Variants in GABRA5 observed in about 807,000 individuals in gnomAD.
GABRA5 encodes gamma-aminobutyric acid type A receptor subunit alpha5.
A neutral mutation model predicts 47.3 loss-of-function variants in GABRA5; 18 were observed. The ratio of observed to expected loss-of-function variants is 0.38; its 90% confidence interval spans 0.26 to 0.56. The LOEUF (loss-of-function observed/expected upper bound fraction) is 0.56. Among genes scored for constraint, GABRA5 ranks in the 20% least tolerant of loss-of-function variants. The probability of loss-of-function intolerance (pLI) is 0.71; values close to 1 mark genes in which losing one functional copy is unlikely to be tolerated. For missense variants in GABRA5, 365 were observed against 599.3 expected, an observed-to-expected ratio of 0.61 and a Z score of 4.08; for synonymous variants, 237 against 229.3, an observed-to-expected ratio of 1.03 and a Z score of -0.30.
intron 7 of GABRA5, among the ~76,000 whole-genome samples, chr15:26,936,211 T>C (rs1289966390): frequency 6.6e-6 from 1 of 152,358 alleles, no homozygotes; most frequent in East Asian, 1.9e-4. Flanking sequence ...GAGTCAATTA[T>C]ACCTCTTTTC....
intron 3 of GABRA5, chr15:26,880,468 C>G (rs2140252124): frequency 6.2e-6 from 1 of 161,286 alleles, no homozygotes; most frequent in South Asian, 1.8e-4. Flanking sequence ...TATGAGAACT[C>G]GGTTTTTGTG....
chr15:26,881,790 C>G (rs1204051005), intron 4 of GABRA5, among the ~76,000 whole-genome samples: 1 of 152,138 alleles, frequency 6.6e-6, no homozygotes, highest in Admixed American at 6.5e-5. Context: ...ACCTCTGCCT[C>G]CCAGGTTTAA....
Position 26,937,339 on chromosome 15 carries a change from G to A in GABRA5, c.724+11G>A, listed in dbSNP as rs749942488. ...TCAGCACCAGCACAGGTGAGGGCTC[G>A]GCACGCGCTGTGCTGCCAGGCGCAC... On this transcript the variant is annotated intron_variant, in intron 8 of 10. Coordinates refer to ENST00000335625, the MANE Select transcript of GABRA5 (RefSeq NM_000810.4). 75 of 1,596,590 alleles carry A rather than the reference G, an allele frequency of 4.7e-5. 1 individual carries two copies. Among genetic ancestry groups the A allele is most frequent in the South Asian group, 3.9e-4 (34 of 87,686 alleles).
intron 3 of GABRA5, among the ~76,000 whole-genome samples, chr15:26,877,011 C>A (rs1164431308): frequency 6.6e-6 from 1 of 152,152 alleles, no homozygotes; most frequent in African/African-American, 2.4e-5. Context: ...CTGAGTTGGG[C>A]AGCAGTGCCA....
At chr15:26,923,815 C>T (rs1010617171) in intron 7 of GABRA5, among the ~76,000 whole-genome samples, 11 of 152,124 alleles carry the variant, frequency 7.2e-5, no homozygotes, top group Non-Finnish European at 1.3e-4. Flanking sequence ...GTTCTGTCTT[C>T]AATTCACTGA....
At chr15:26,938,132 G>A (rs991978079) in intron 8 of GABRA5, among the ~76,000 whole-genome samples, 5 of 152,242 alleles carry the variant, frequency 3.3e-5, no homozygotes, top group African/African-American at 1.2e-4. Flanking sequence ...TACCGTTGCA[G>A]CTGGCCGAGC....
At chr15:26,880,814 T>G (rs1209920005) in intron 3 of GABRA5, 32 bp from the exon 4 acceptor site, 1 of 1,610,648 alleles carries the variant, frequency 6.2e-7, no homozygotes, top group African/African-American at 1.3e-5. Context: ...ATAATATGTT[T>G]TAACGCTTCC....
At position 26,918,882 on chromosome 15, in the gene GABRA5, T is replaced by C. The variant is rs959053190; in HGVS notation, c.580+3997T>C. 2.0e-5 allele frequency among the ~76,000 whole-genome samples: 3 copies of C among 152,292 alleles called. No homozygotes were observed. The South Asian group carries it at 6.2e-4, about 32-fold the overall frequency. On this transcript the variant is annotated intron_variant, in intron 7 of 10. Coordinates refer to ENST00000335625, the MANE Select transcript of GABRA5 (RefSeq NM_000810.4). ...TTCTTGTAGATAAAATAGAGTTGTG[T>C]AATCCCAGTACTTTGGGAGGCTGAG... is the stretch of plus-strand genomic sequence containing the variant.
intron 7 of GABRA5, among the ~76,000 whole-genome samples, chr15:26,920,440 G>A (rs549746665): frequency 1.4e-4 from 21 of 151,740 alleles, no homozygotes; most frequent in South Asian, 8.3e-4. Flanking sequence ...CTTTAACTCC[G>A]TGATTTCTTT....
At chr15:26,934,680 G>C (rs1014171720) in intron 7 of GABRA5, among the ~76,000 whole-genome samples, 3 of 152,146 alleles carry the variant, frequency 2.0e-5, no homozygotes, top group African/African-American at 7.2e-5. Context: ...CTACAGATGG[G>C]GAAATTGAGG....
intron 6 of GABRA5, among the ~76,000 whole-genome samples, chr15:26,902,982 CA>C (rs1388827783): frequency 6.6e-6 from 1 of 152,022 alleles, no homozygotes; most frequent in Non-Finnish European, 1.5e-5. Context: ...ATATTAGGTT[CA>C]GGGGTACATG....
chr15:26,929,391 T>C (rs1220276464), intron 7 of GABRA5, among the ~76,000 whole-genome samples: 1 of 152,220 alleles, frequency 6.6e-6, no homozygotes, highest in Non-Finnish European at 1.5e-5. Flanking sequence ...TTAGCCCTCC[T>C]TGGCCCACGC....
At chr15:26,892,922 ATGTG>A (rs942421003) in intron 6 of GABRA5, among the ~76,000 whole-genome samples, 5 of 147,672 alleles carry the variant, frequency 3.4e-5, no homozygotes, top group African/African-American at 1.3e-4. Flanking sequence ...TGTGTGCGTG[ATGTG>A]TGTATGGATG....
chr15:26,895,812 C>CAAAAAAAAAAAAAAAA (rs376170037), intron 6 of GABRA5, among the ~76,000 whole-genome samples: 38 of 123,270 alleles, frequency 3.1e-4, no homozygotes, highest in African/African-American at 1.3e-3. Context: ...AAGACTCCGT[C>CAAAAAAAAAAAAAAAA]AAAAAAAAAA....
At chr15:26,924,744 C>T (rs1893920911) in intron 7 of GABRA5, among the ~76,000 whole-genome samples, 1 of 152,086 alleles carries the variant, frequency 6.6e-6, no homozygotes, top group Non-Finnish European at 1.5e-5. Flanking sequence ...AGTACAGTGG[C>T]CAGTGTCTAA....
At chr15:26,943,895 A>G (rs1274006691) in intron 10 of GABRA5, among the ~76,000 whole-genome samples, 48 of 152,124 alleles carry the variant, frequency 3.2e-4, no homozygotes, top group African/African-American at 2.4e-5. Flanking sequence ...TTGTGAAAGC[A>G]TTACTCTGTT....
chr15:26,903,401 G>A (rs1365898038), intron 6 of GABRA5, among the ~76,000 whole-genome samples: 1 of 152,022 alleles, frequency 6.6e-6, no homozygotes, highest in Non-Finnish European at 1.5e-5. Flanking sequence ...ATTGTGAATT[G>A]TGCTATAATG....
chr15:26,890,272 TGA>T (rs1302691531), intron 6 of GABRA5, among the ~76,000 whole-genome samples: 1 of 152,110 alleles, frequency 6.6e-6, no homozygotes, highest in African/African-American at 2.4e-5. Flanking sequence ...CCATCAACAG[TGA>T]GAGTAGAGAC....
At chr15:26,928,296 G>C (rs1348877339) in intron 7 of GABRA5, among the ~76,000 whole-genome samples, 1 of 152,186 alleles carries the variant, frequency 6.6e-6, no homozygotes, top group Non-Finnish European at 1.5e-5. Flanking sequence ...TAGTGACTCA[G>C]GATGAGCGTG....
Sources: gnomAD v4.1 joint callset for allele counts (sites outside exome capture counted in the v4.1 genomes callset) on GRCh38, gnomAD v4.1.1 for gene constraint, MANE v1.5 for transcripts, NCBI Gene and HGNC (gene_info 2026-07-23, HGNC 2026-07-21) for gene names.